ROCK1: variants seen among roughly 807,000 people sequenced by gnomAD.
ROCK1 encodes the protein Rho associated coiled-coil containing protein kinase 1.
Under a neutral mutation model 196.8 loss-of-function variants are expected in ROCK1, and 36 were observed. The observed-to-expected ratio is 0.18, with a 90% CI of 0.14 to 0.24. ROCK1 has a LOEUF of 0.24. Among genes scored for constraint, ROCK1 ranks in the 10% least tolerant of loss-of-function variants. ROCK1 has a pLI of 1.00. For synonymous variants in ROCK1, 443 were observed against 515.9 expected, an observed-to-expected ratio of 0.86 and a Z score of 1.91; for missense variants, 920 against 1,562.0, an observed-to-expected ratio of 0.59 and a Z score of 6.93.
chr18:21,028,095 C>T (rs1382068976), intron 10 of ROCK1, among the ~76,000 whole-genome samples: 1 of 149,816 alleles, frequency 6.7e-6, no homozygotes. Context: ...ATTGATACAG[C>T]ATCAATATGG....
At chr18:20,964,504 CTA>C (rs1271179734) in intron 27 of ROCK1, among the ~76,000 whole-genome samples, 1 of 151,934 alleles carries the variant, frequency 6.6e-6, no homozygotes, top group Non-Finnish European at 1.5e-5. Context: ...TTGACAAAGA[CTA>C]TCCATTAATT....
intron 1 of ROCK1, among the ~76,000 whole-genome samples, chr18:21,082,239 C>T (rs569246599): frequency 1.3e-5 from 2 of 152,176 alleles, no homozygotes; most frequent in South Asian, 2.1e-4. Context: ...GCAGTATGTC[C>T]GGCCTCTACC....
At chr18:20,974,763 C>A (rs543533463) in intron 22 of ROCK1, among the ~76,000 whole-genome samples, 2 of 152,214 alleles carry the variant, frequency 1.3e-5, no homozygotes, top group Non-Finnish European at 2.9e-5. Context: ...ATTTCAAATG[C>A]CTAGAAAATT....
chr18:21,042,248 T>A lies in ROCK1; in HGVS notation c.821-13A>T, dbSNP rs1568392139. The A allele has an allele frequency of 6.4e-7, 1 of 1,551,236 alleles. No homozygotes were observed. Among genetic ancestry groups the A allele is most frequent in the Non-Finnish European group, 8.6e-7 (1 of 1,156,552 alleles). Reference sequence around the variant, plus strand: ...AAAGGTGTATCACCTGAAAAATTGATAAAGAAAACAAAAGCAAAATGAAAT... The same window carrying A: ...AAAGGTGTATCACCTGAAAAATTGAAAAAGAAAACAAAAGCAAAATGAAAT... On this transcript the variant is annotated splice_polypyrimidine_tract_variant and intron_variant, in intron 7 of 32. Coordinates refer to ENST00000399799, the MANE Select transcript of ROCK1 (RefSeq NM_005406.3).
intron 27 of ROCK1, among the ~76,000 whole-genome samples, chr18:20,964,029 G>A (rs565466266): frequency 3.3e-5 from 5 of 152,088 alleles, no homozygotes; most frequent in South Asian, 4.2e-4. Flanking sequence ...TAGAGGCTGC[G>A]TTCTAGATGT....
At chr18:21,029,812 T>TA (rs2035991176) in intron 9 of ROCK1, among the ~76,000 whole-genome samples, 1 of 152,066 alleles carries the variant, frequency 6.6e-6, no homozygotes, top group East Asian at 1.9e-4. Flanking sequence ...TCTAAGAAAA[T>TA]AAAATTTTAA....
At chr18:21,003,157 C>A (rs1443041062) in intron 16 of ROCK1, among the ~76,000 whole-genome samples, 1 of 152,010 alleles carries the variant, frequency 6.6e-6, no homozygotes, top group Non-Finnish European at 1.5e-5. Flanking sequence ...AGTACTACGG[C>A]GGACAGAGCA....
intron 10 of ROCK1, among the ~76,000 whole-genome samples, chr18:21,026,230 AG>A (rs1013292912): frequency 2.6e-5 from 4 of 152,128 alleles, no homozygotes; most frequent in Admixed American, 2.6e-4. Flanking sequence ...GGATCACCTG[AG>A]GTCGGGAGTT....
intron 1 of ROCK1, among the ~76,000 whole-genome samples, chr18:21,075,384 T>A (rs1425527605): frequency 2.0e-5 from 3 of 152,172 alleles, no homozygotes; most frequent in Non-Finnish European, 4.4e-5. Context: ...AGACAGTGAC[T>A]TCATTAACCA....
At position 21,064,747 on chromosome 18, in the gene ROCK1, G is replaced by C. The variant is rs1042300716; in HGVS notation, c.175+5785C>G. The stretch of plus-strand genomic sequence containing the variant: ...TCCCTGGATATGTATTCATACTTCT[G>C]ATCTGGTTCATAAAACTTTATAATC... On this transcript the variant is annotated intron_variant, in intron 2 of 32. Coordinates refer to ENST00000399799, the MANE Select transcript of ROCK1 (RefSeq NM_005406.3). 7.9e-5 allele frequency among the ~76,000 whole-genome samples: 12 copies of C among 152,108 alleles called. 1 individual carries two copies. The highest frequency in any genetic ancestry group is 2.9e-4 in the African/African-American group (12 of 41,408).
intron 1 of ROCK1, among the ~76,000 whole-genome samples, chr18:21,088,256 G>A (rs1048703735): frequency 6.6e-6 from 1 of 152,234 alleles, no homozygotes; most frequent in African/African-American, 2.4e-5. Flanking sequence ...TACTTTGGGA[G>A]GCTGAGGTGG....
intron 23 of ROCK1, 118 bp downstream of exon 23, chr18:20,970,230 C>A: frequency 1.5e-6 from 1 of 658,700 alleles, no homozygotes; most frequent in Non-Finnish European, 2.5e-6. Context: ...ACAGAATGAC[C>A]ACTATGTATT....
Position 21,049,233 on chromosome 18 carries a change from TA to T in ROCK1, c.277-5del. The T allele has an allele frequency of 6.4e-7, 1 of 1,562,496 alleles. No individual in the cohort carries two copies. Among genetic ancestry groups the T allele is most frequent in the Non-Finnish European group, 8.7e-7 (1 of 1,154,564 alleles). On this transcript the variant is annotated splice_region_variant and splice_polypyrimidine_tract_variant and intron_variant, in intron 3 of 32. Transcript: ENST00000399799. Reference sequence around the variant, plus strand: ...TCCTGGTGGATTTATGCCTTACCTTTAAAATTGAAAAGGGAAAATAATGAAC... The same window carrying T: ...TCCTGGTGGATTTATGCCTTACCTTTAAATTGAAAAGGGAAAATAATGAAC...
At chr18:21,110,529 A>T (rs955823742) in intron 1 of ROCK1, among the ~76,000 whole-genome samples, 1 of 152,216 alleles carries the variant, frequency 6.6e-6, no homozygotes, top group Non-Finnish European at 1.5e-5. Flanking sequence ...CTCTGACGTG[A>T]TAACTTTTTA....
chr18:21,006,687 T>G lies in ROCK1; in HGVS notation c.1638+12A>C, dbSNP rs2035772131. The G allele has an allele frequency of 6.3e-7, 1 of 1,588,772 alleles. No individual in the cohort carries two copies. Among genetic ancestry groups the G allele is most frequent in the Admixed American group, 1.9e-5 (1 of 52,576 alleles). On this transcript the variant is annotated intron_variant, in intron 15 of 32. Transcript: ENST00000399799. ...AATTTTTTTAAAAAGGAACCTCATT[T>G]GAAACACTTACCTGCTTTTGTAACT...
intron 25 of ROCK1, chr18:20,968,544 G>A: frequency 4.7e-6 from 2 of 422,576 alleles, no homozygotes; most frequent in Non-Finnish European, 8.3e-6. Flanking sequence ...GGCCTTAAGT[G>A]TTCTGCTGGC....
chr18:21,102,377 T>C (rs1440812818), intron 1 of ROCK1, among the ~76,000 whole-genome samples: 1 of 152,182 alleles, frequency 6.6e-6, no homozygotes, highest in Admixed American at 6.6e-5. Flanking sequence ...CCCACTCCTA[T>C]CTTAGTGTGA....
In ROCK1 at chr18:20,984,628, A is replaced by G. The variant is rs570988023; in HGVS notation, c.2305-93T>C. ...CTACTAACCAAATCAAGTACATTATAATTCATGGTACTAGTAGAAAATATT... is the reference window on the plus strand; with the variant it reads ...CTACTAACCAAATCAAGTACATTATGATTCATGGTACTAGTAGAAAATATT... On this transcript the variant is annotated intron_variant, in intron 19 of 32. Transcript: ENST00000399799. 1.3e-5 allele frequency: 11 copies of G among 860,460 alleles called. No homozygotes were observed. The South Asian group carries it at 2.1e-4, about 16-fold the overall frequency. 53.3% of individuals were successfully genotyped at this position (860,460 alleles called of 1,614,324 possible).
chr18:21,074,323 T>A (rs1267952273), intron 1 of ROCK1, among the ~76,000 whole-genome samples: 1 of 152,214 alleles, frequency 6.6e-6, no homozygotes, highest in Non-Finnish European at 1.5e-5. Context: ...ACTATACCCA[T>A]GTCAATGCTG....
Sources: allele counts gnomAD v4.1 joint callset (sites outside exome capture counted in the v4.1 genomes callset), GRCh38; gene constraint gnomAD v4.1.1; transcripts MANE v1.5; gene names NCBI Gene and HGNC (gene_info 2026-07-23, HGNC 2026-07-21).